Variants in AHNAK2 observed in about 807,000 individuals in gnomAD.
AHNAK2 encodes protein AHNAK2.
A neutral mutation model predicts 30.7 loss-of-function variants in AHNAK2; 18 were observed. The ratio of observed to expected loss-of-function variants is 0.59; its 90% CI spans 0.41 to 0.87. AHNAK2 has a LOEUF of 0.87. Ranked by LOEUF, AHNAK2 falls within the 40% of genes least tolerant of loss-of-function variation. The probability of loss-of-function intolerance (pLI) is 0.00; values close to 1 mark genes in which losing one functional copy is unlikely to be tolerated. For synonymous variants in AHNAK2, 3,590 were observed against 3,073.8 expected (o/e 1.17, Z -5.56); for missense variants, 8,604 against 7,373.0 (o/e 1.17, Z -6.11).
In AHNAK2 at chr14:104,938,036, C is replaced by T. The variant is rs1471469088; in HGVS notation, c.*27G>A. On this transcript the variant is annotated 3_prime_UTR_variant, in exon 7 of 7. Coordinates refer to ENST00000333244, the MANE Select transcript of AHNAK2 (RefSeq NM_138420.4). ...TACTTTCCAACTTAGTTTTTTGCAT[C>T]TCTCTTGTACTGATGAGCCATACCT... The T allele has an allele frequency of 4.4e-6, 7 of 1,579,604 alleles. No homozygotes were observed. Among genetic ancestry groups the T allele is most frequent in the South Asian group, 2.3e-5 (2 of 86,508 alleles).
Position 104,941,164 on chromosome 14 carries a change from C to T in AHNAK2, c.14287G>A (p.Gly4763Ser), listed in dbSNP as rs1470415152. ...SEPSMQMPKV[G>S]FAGFPSSRLD... is the part of the protein sequence containing the mutation. ...CGGGATGATGGAAACCCAGCAAAAC[C>T]CACCTTAGGCATCTGCATGGATGGC... Residue 4763 changes from glycine to serine, a missense_variant, in exon 7 of 7, where the codon GGT becomes AGT. Gly to Ser is a moderately conservative substitution (Grantham distance 56). Transcript: ENST00000333244. The T allele has an allele frequency of 6.2e-7, 1 of 1,613,540 alleles. No individual in the cohort carries two copies. The highest frequency in any genetic ancestry group is 8.5e-7 in the Non-Finnish European group (1 of 1,179,886).
In AHNAK2 at chr14:104,947,636, G is replaced by C. The variant is rs374259207; in HGVS notation, c.7815C>G (p.Pro2605=). ...TGCTGGACAGAGACATCTCCACATCGGGGGCTGTCACTTCCGCCTTGGGGC... is the reference window on the plus strand; with the variant it reads ...TGCTGGACAGAGACATCTCCACATCCGGGGCTGTCACTTCCGCCTTGGGGC... ...LKGPKAEVTA[P]DVEMSLSSME... Residue 2605 remains proline, a synonymous_variant, in exon 7 of 7, where the codon CCC becomes CCG. Coordinates refer to ENST00000333244, the MANE Select transcript of AHNAK2 (RefSeq NM_138420.4). 6.8e-6 allele frequency: 11 copies of C among 1,612,838 alleles called. No individual in the cohort carries two copies. Among genetic ancestry groups the C allele is most frequent in the Middle Eastern group, 1.6e-4 (1 of 6,078 alleles).
Position 104,938,066 on chromosome 14 carries a change from G to T in AHNAK2, c.17385C>A (p.Gly5795=). The change falls in exon 7 of 7, where the codon GGC becomes GGA. Residue 5795 remains glycine, a synonymous_variant. Transcript: ENST00000333244. ...TTGTACTGATGAGCCATACCTCTCA[G>T]CCTTCATTTGGTCCCAGGCCTGACC... The part of the protein sequence containing the change: ...SKGSGLGPNE[G] 4 of 1,611,998 alleles carry T rather than the reference G, an allele frequency of 2.5e-6. No homozygotes were observed. The highest frequency in any genetic ancestry group is 3.4e-6 in the Non-Finnish European group (4 of 1,178,610).
rs1396358764 is a variant in AHNAK2 at position 104,942,364 on chromosome 14, C to A, written c.13087G>T (p.Asp4363Tyr). 2 of 1,612,914 alleles carry A rather than the reference C, an allele frequency of 1.2e-6. No homozygotes were observed. The highest frequency in any genetic ancestry group is 1.1e-5 in the South Asian group (1 of 91,064). ...ADLEVQAGQE[D>Y]VKLPEGPVHE... is the part of the protein sequence containing the mutation. ...ACAGGGCCCTCTGGGAGTTTCACAT[C>A]CTCTTGGCCAGCCTGGACCTCCAGA... The change falls in exon 7 of 7, where the codon GAT (aspartate) becomes TAT (tyrosine). Residue 4363 changes from aspartate to tyrosine, a missense_variant. By Grantham distance (160) the Asp-to-Tyr change is radical. Transcript: ENST00000333244.
chr14:104,951,894 A>C lies in AHNAK2; in HGVS notation c.3557T>G (p.Val1186Gly), dbSNP rs188954909. 1 of 1,609,072 alleles carries C rather than the reference A, an allele frequency of 6.2e-7. No individual in the cohort carries two copies. Among genetic ancestry groups the C allele is most frequent in the South Asian group, 1.1e-5 (1 of 90,618 alleles). Residue 1186 changes from valine to glycine, a missense_variant, in exon 7 of 7, where the codon GTG becomes GGG. Val to Gly is a moderately radical substitution (Grantham distance 109, BLOSUM62 -3). Coordinates refer to ENST00000333244, the MANE Select transcript of AHNAK2 (RefSeq NM_138420.4). ...SAPGKSIEAS[V>G]DVSAPKVEAD... Reference sequence around the variant, plus strand: ...CTCCACTTTGGGTGCAGACACATCCACCGAGGCCTCGATGGACTTGCCTGG... The same window carrying C: ...CTCCACTTTGGGTGCAGACACATCCCCCGAGGCCTCGATGGACTTGCCTGG...
In AHNAK2 at chr14:104,938,142, G is replaced by A. The variant is rs1168663763; in HGVS notation, c.17309C>T (p.Thr5770Ile). Residue 5770 changes from threonine (T) to isoleucine (I), a missense_variant, in exon 7 of 7, where the codon ACA becomes ATA. Transcript: ENST00000333244. ...GTCCTGCTCGGGCAGGATTAACTCT[G>A]TTCTTGCCGCGGATGTCACCATCAC... ...SRVMVTSAAR[T>I]ELILPEQDRK... 3.1e-6 allele frequency: 5 copies of A among 1,613,820 alleles called. No individual in the cohort carries two copies. The African/African-American group carries it at 6.7e-5, about 22-fold the overall frequency.
chr14:104,977,126 GC>G (rs1406417408), intron 1 of AHNAK2, among the ~76,000 whole-genome samples: 2 of 152,204 alleles, frequency 1.3e-5, no homozygotes, highest in East Asian at 3.8e-4. Context: ...TGGGGGGCAT[GC>G]CCAGGCCAGG....
Position 104,951,962 on chromosome 14 carries a change from G to A in AHNAK2, c.3489C>T (p.Phe1163=). 6.2e-7 allele frequency: 1 copy of A among 1,611,784 alleles called. No homozygotes were observed. The highest frequency in any genetic ancestry group is 8.5e-7 in the Non-Finnish European group (1 of 1,179,208). ...DKDVTAKDSR[F]KMPKFKMPSF... is the part of the protein sequence containing the mutation. ...ATGGCATCTTGAACTTGGGCATTTTGAACCTGCTGTCTTTGGCAGTCACAT... is the reference window on the plus strand; with the variant it reads ...ATGGCATCTTGAACTTGGGCATTTTAAACCTGCTGTCTTTGGCAGTCACAT... The change falls in exon 7 of 7, where the codon TTC becomes TTT. Residue 1163 remains phenylalanine (F), a synonymous_variant. Transcript: ENST00000333244.
At position 104,949,321 on chromosome 14, in the gene AHNAK2, C is replaced by A; in HGVS notation, c.6130G>T (p.Asp2044Tyr). 2.3e-6 allele frequency: 3 copies of A among 1,303,698 alleles called. 1 individual carries two copies. Among genetic ancestry groups the A allele is most frequent in the African/African-American group, 1.4e-5 (1 of 70,048 alleles). 80.8% of individuals were successfully genotyped at this position (1,303,698 alleles called of 1,614,324 possible). A position where few individuals can be genotyped will look rare whatever the true frequency, so the allele number is the denominator to read the frequency against. The change falls in exon 7 of 7, where the codon GAC becomes TAC. Residue 2044 changes from aspartate (D) to tyrosine (Y), a missense_variant. By Grantham distance (160) the Asp-to-Tyr change is radical. Transcript: ENST00000333244. ...TDLSIQPPSA[D>Y]LKVQTGQVDV... is the part of the protein sequence containing the mutation. ...ACCTGGCCAGTCTGGACCTTCAGGT[C>A]GGCAGAAGGGGGCTGAATGCTGAGG...
intron 1 of AHNAK2, among the ~76,000 whole-genome samples, chr14:104,958,047 G>A (rs544524459): frequency 3.0e-4 from 45 of 152,338 alleles, no homozygotes; most frequent in East Asian, 9.6e-4. Flanking sequence ...CAAGTTACGC[G>A]AAGAAACAAG....
rs746275213 is a variant in AHNAK2, at chr14:104,943,431, A to G, written c.12020T>C (p.Met4007Thr). ...KVEADVSLPS[M>T]QGDLKATDLS... The stretch of plus-strand genomic sequence containing the variant: ...GTCAGTGGCCTTGAGGTCCCCCTGC[A>G]TGGAAGGGAGGCTCACGTCGGCCTC... Residue 4007 changes from methionine to threonine, a missense_variant, in exon 7 of 7, where the codon ATG (methionine) becomes ACG (threonine). By Grantham distance (81) the Met-to-Thr change is moderately conservative. Coordinates refer to ENST00000333244, the MANE Select transcript of AHNAK2 (RefSeq NM_138420.4). The G allele has an allele frequency of 6.2e-7, 1 of 1,613,206 alleles. No individual in the cohort carries two copies. The highest frequency in any genetic ancestry group is 1.7e-5 in the Admixed American group (1 of 59,982).
chr14:104,974,138 T>G (rs1790119431), intron 1 of AHNAK2, among the ~76,000 whole-genome samples: 1 of 152,204 alleles, frequency 6.6e-6, no homozygotes, highest in Non-Finnish European at 1.5e-5. Flanking sequence ...CCAGGCTGAG[T>G]GCAGGTGGGG....
chr14:104,977,636 G>T (rs1469239472), intron 1 of AHNAK2, among the ~76,000 whole-genome samples: 1 of 152,140 alleles, frequency 6.6e-6, no homozygotes, highest in Non-Finnish European at 1.5e-5. Flanking sequence ...GCCCTGCCTG[G>T]AAGCCCCGGA....
chr14:104,959,446 A>G lies in AHNAK2; in HGVS notation c.56-1774T>C, dbSNP rs916179012. Among the ~76,000 whole-genome samples, 14 of 152,278 alleles carry G rather than the reference A, an allele frequency of 9.2e-5. No homozygotes were observed. The East Asian group carries it at 2.5e-3, about 27-fold the overall frequency. On this transcript the variant is annotated intron_variant, in intron 1 of 6. Transcript: ENST00000333244. ...CAGCCTCCCAAAGTGCTGGGATTAC[A>G]GGCATGAGCTGCCGTGTCCGGCCCA...
chr14:104,951,517 C>G lies in AHNAK2; in HGVS notation c.3934G>C (p.Gly1312Arg), dbSNP rs752405323. 1.1e-5 allele frequency: 14 copies of G among 1,247,850 alleles called. 5 individuals are homozygous for G. Among genetic ancestry groups the G allele is most frequent in the South Asian group, 2.9e-5 (2 of 70,012 alleles). 77.3% of individuals were successfully genotyped at this position (1,247,850 alleles called of 1,614,324 possible). Reference sequence around the variant, plus strand: ...TCCTTGTCAGCCAGGGACAGGTCCCCGTCCAGCTGTGCGCCATCCAACTTG... The same window carrying G: ...TCCTTGTCAGCCAGGGACAGGTCCCGGTCCAGCTGTGCGCCATCCAACTTG... The part of the protein sequence containing the change: ...GAKLDGAQLD[G>R]DLSLADKDVT... Residue 1312 changes from glycine to arginine, a missense_variant, in exon 7 of 7, where the codon GGG becomes CGG. By Grantham distance (125) the Gly-to-Arg change is moderately radical. Transcript: ENST00000333244.
chr14:104,942,353 G>C lies in AHNAK2; in HGVS notation c.13098C>G (p.Leu4366=), dbSNP rs985203087. 1.7e-5 allele frequency: 28 copies of C among 1,612,718 alleles called. No individual in the cohort carries two copies. The highest frequency in any genetic ancestry group is 2.4e-5 in the Non-Finnish European group (28 of 1,179,606). ...EVQAGQEDVK[L]PEGPVHEGAG... The stretch of plus-strand genomic sequence containing the variant: ...CTCCCTCATGCACAGGGCCCTCTGG[G>C]AGTTTCACATCCTCTTGGCCAGCCT... The change falls in exon 7 of 7, where the codon CTC becomes CTG. Residue 4366 remains leucine, a synonymous_variant. Coordinates refer to ENST00000333244, the MANE Select transcript of AHNAK2 (RefSeq NM_138420.4).
At chr14:104,963,736 A>G (rs1899217420) in intron 1 of AHNAK2, among the ~76,000 whole-genome samples, 6 of 151,766 alleles carry the variant, frequency 4.0e-5, no homozygotes, top group Admixed American at 3.9e-4. Context: ...AGGCTGAGGC[A>G]GGAGAATGGC....
At position 104,943,852 on chromosome 14, in the gene AHNAK2, C is replaced by A. The variant is rs774873159; in HGVS notation, c.11599G>T (p.Val3867Leu). Residue 3867 changes from valine to leucine, a missense_variant, in exon 7 of 7, where the codon GTG (valine) becomes TTG (leucine). Coordinates refer to ENST00000333244, the MANE Select transcript of AHNAK2 (RefSeq NM_138420.4). ...TGGCCCTCCAGGAGTTTCATGTCCA[C>A]CTGGCGAGCTTGGACCGTCAGGTCG... The part of the protein sequence containing the change: ...SADLTVQARQ[V>L]DMKLLEGHVP... 1.2e-6 allele frequency: 2 copies of A among 1,612,276 alleles called. No homozygotes were observed. Among genetic ancestry groups the A allele is most frequent in the Non-Finnish European group, 1.7e-6 (2 of 1,179,402 alleles).
At chr14:104,958,045 G>A (rs77297828) in intron 1 of AHNAK2, among the ~76,000 whole-genome samples, 16 of 152,274 alleles carry the variant, frequency 1.1e-4, no homozygotes, top group African/African-American at 3.8e-4. Context: ...TACAAGTTAC[G>A]CGAAGAAACA....
Sources: allele counts gnomAD v4.1 joint callset (sites outside exome capture counted in the v4.1 genomes callset), GRCh38; gene constraint gnomAD v4.1.1; transcripts MANE v1.5; gene names NCBI Gene and HGNC (gene_info 2026-07-23, HGNC 2026-07-21).